MACROD2: variants seen among roughly 807,000 people sequenced by gnomAD.
The protein encoded by MACROD2 is ADP-ribose glycohydrolase MACROD2.
In MACROD2, 36 loss-of-function variants were observed where a neutral mutation model predicts 70.4. The ratio of observed to expected loss-of-function variants is 0.51; its 90% CI spans 0.39 to 0.68. The LOEUF (loss-of-function observed/expected upper bound fraction) is 0.68, where lower values mean the gene tolerates loss of function less well. Among genes scored for constraint, MACROD2 ranks in the 30% least tolerant of loss-of-function variants. The pLI is 0.00. For missense variants in MACROD2, 496 were observed against 538.4 expected (o/e 0.92, Z 0.78); for synonymous variants, 172 against 178.8 (o/e 0.96, Z 0.30).
At chr20:15,089,287 G>A (rs546773554) in intron 5 of MACROD2, among the ~76,000 whole-genome samples, 5 of 152,072 alleles carry the variant, frequency 3.3e-5, no homozygotes, top group Non-Finnish European at 7.4e-5. Context: ...ACTAATTAAG[G>A]ATCTTTAAGA....
chr20:14,298,581 A>AAAAG lies in MACROD2; in HGVS notation c.272-194896_272-194895insAGAA, dbSNP rs1555778284. Among the ~76,000 whole-genome samples, 442 of 147,022 alleles carry AAAAG rather than the reference A, an allele frequency of 3.0e-3. 8 individuals carry two copies. Among genetic ancestry groups the AAAAG allele is most frequent in the Admixed American group, 5.5e-3 (81 of 14,790 alleles). Reference sequence around the variant, plus strand: ...AAAACTCCACCTCAAAAAAAAAAAAAAAGAAGTGAATTTTTCTTAAGACTA... The same window carrying AAAAG: ...AAAACTCCACCTCAAAAAAAAAAAAAAAAGAAGAAGTGAATTTTTCTTAAGACTA... On this transcript the variant is annotated intron_variant, in intron 3 of 17. Transcript: ENST00000684519.
At chr20:15,025,086 A>G (rs758840542) in intron 5 of MACROD2, among the ~76,000 whole-genome samples, 27 of 152,154 alleles carry the variant, frequency 1.8e-4, no homozygotes, top group Non-Finnish European at 3.5e-4. Flanking sequence ...GTTTGTTTAC[A>G]CACTTAGGAA....
intron 3 of MACROD2, among the ~76,000 whole-genome samples, chr20:14,160,520 T>C (rs927886193): frequency 6.6e-6 from 1 of 152,176 alleles, no homozygotes; most frequent in Admixed American, 6.5e-5. Context: ...TATAGCTGTT[T>C]ATAGTAGTCT....
chr20:14,957,098 GA>G (rs753624613), intron 5 of MACROD2, among the ~76,000 whole-genome samples: 62 of 151,874 alleles, frequency 4.1e-4, no homozygotes, highest in African/African-American at 1.1e-3. Flanking sequence ...CATTATCAAT[GA>G]TTTTTTTTAG....
At chr20:14,640,429 A>C (rs1333111130) in intron 4 of MACROD2, among the ~76,000 whole-genome samples, 1 of 152,198 alleles carries the variant, frequency 6.6e-6, no homozygotes, top group East Asian at 1.9e-4. Flanking sequence ...TTCTAAGTTC[A>C]TGAACCCTAA....
At chr20:15,127,394 C>G in intron 5 of MACROD2, among the ~76,000 whole-genome samples, 1 of 152,080 alleles carries the variant, frequency 6.6e-6, no homozygotes, top group East Asian at 1.9e-4. Context: ...ACAAATTACT[C>G]TCAAACTTAG....
chr20:15,857,777 A>C, intron 8 of MACROD2, among the ~76,000 whole-genome samples: 1 of 152,360 alleles, frequency 6.6e-6, no homozygotes, highest in South Asian at 2.1e-4. Flanking sequence ...TATAGAGATG[A>C]GATAATTCCA....
At chr20:14,037,426 G>A (rs1256514841) in intron 2 of MACROD2, among the ~76,000 whole-genome samples, 1 of 152,168 alleles carries the variant, frequency 6.6e-6, no homozygotes, top group Non-Finnish European at 1.5e-5. Flanking sequence ...GTCCTATTCA[G>A]TAATTAGTAA....
At chr20:15,933,840 A>G (rs2065616096) in intron 11 of MACROD2, among the ~76,000 whole-genome samples, 1 of 152,190 alleles carries the variant, frequency 6.6e-6, no homozygotes, top group Admixed American at 6.5e-5. Flanking sequence ...ACTACCCCAC[A>G]CACAGAGCTC....
At chr20:14,653,865 C>T (rs1227201192) in intron 4 of MACROD2, among the ~76,000 whole-genome samples, 1 of 152,148 alleles carries the variant, frequency 6.6e-6, no homozygotes, top group Non-Finnish European at 1.5e-5. Flanking sequence ...ACCTCTGAGG[C>T]ATGTTTTACA....
chr20:14,652,238 T>G (rs1325691545), intron 4 of MACROD2, among the ~76,000 whole-genome samples: 1 of 152,256 alleles, frequency 6.6e-6, no homozygotes, highest in African/African-American at 2.4e-5. Context: ...ATGATTAACC[T>G]GTAAGCTGTG....
At chr20:14,782,519 C>A (rs1486787541) in intron 5 of MACROD2, among the ~76,000 whole-genome samples, 1 of 152,082 alleles carries the variant, frequency 6.6e-6, no homozygotes, top group Non-Finnish European at 1.5e-5. Context: ...CTTACGAGGA[C>A]ATTAACATCA....
chr20:14,511,210 TA>T (rs1245757394), intron 4 of MACROD2, among the ~76,000 whole-genome samples: 1 of 152,084 alleles, frequency 6.6e-6, no homozygotes, highest in Non-Finnish European at 1.5e-5. Context: ...AGATTAGGGT[TA>T]TTTTTTTGAG....
chr20:15,618,143 A>G (rs1225432817), intron 8 of MACROD2, among the ~76,000 whole-genome samples: 1 of 146,612 alleles, frequency 6.8e-6, no homozygotes, highest in African/African-American at 2.5e-5. Context: ...AAATACTGAA[A>G]AAGTCCTTTG....
chr20:15,215,680 C>G (rs1328753695), intron 5 of MACROD2, among the ~76,000 whole-genome samples: 4 of 151,870 alleles, frequency 2.6e-5, no homozygotes, highest in Non-Finnish European at 5.9e-5. Context: ...ACCTAGGCAA[C>G]AAACATATTT....
At chr20:14,686,860 T>C (rs1323602195) in intron 5 of MACROD2, among the ~76,000 whole-genome samples, 1 of 152,210 alleles carries the variant, frequency 6.6e-6, no homozygotes, top group Admixed American at 6.5e-5. Context: ...GTTAGTATCT[T>C]TACCTAGTGT....
intron 8 of MACROD2, among the ~76,000 whole-genome samples, chr20:15,614,074 C>T (rs113518858): frequency 0.035 from 5,265 of 152,166 alleles, 247 homozygotes; most frequent in African/African-American, 0.11. Flanking sequence ...TTCAGTTGTC[C>T]GCAGGAAAAC....
At chr20:14,345,762 G>A (rs541791678) in intron 3 of MACROD2, among the ~76,000 whole-genome samples, 35 of 151,754 alleles carry the variant, frequency 2.3e-4, no homozygotes, top group Admixed American at 2.1e-3. Flanking sequence ...ACAACAAGTT[G>A]TTCATTATTT....
intron 4 of MACROD2, among the ~76,000 whole-genome samples, chr20:14,649,931 T>C (rs529344969): frequency 8.5e-5 from 13 of 152,274 alleles, no homozygotes; most frequent in African/African-American, 3.1e-4. Context: ...AGGTGGAGTA[T>C]GCATAGACTG....
Sources: gnomAD v4.1 joint callset for allele counts (sites outside exome capture counted in the v4.1 genomes callset) on GRCh38, gnomAD v4.1.1 for gene constraint, MANE v1.5 for transcripts, NCBI Gene and HGNC (gene_info 2026-07-23, HGNC 2026-07-21) for gene names.